TBC1D19: variants seen among roughly 807,000 people sequenced by gnomAD.
The protein encoded by TBC1D19 is TBC1 domain family, member 19.
Under a neutral mutation model 89.0 loss-of-function variants are expected in TBC1D19, and 60 were observed. The observed-to-expected ratio is 0.67, with a 90% CI of 0.55 to 0.84. TBC1D19 has a LOEUF of 0.84. Ranked by LOEUF, TBC1D19 falls within the 40% of genes least tolerant of loss-of-function variation. The pLI is 0.00. For missense variants in TBC1D19, 500 were observed against 610.8 expected (o/e 0.82, Z 1.91); for synonymous variants, 189 against 199.7 (o/e 0.95, Z 0.45).
At chr4:26,827,434 G>T in the TBC1D19 span, among the ~76,000 whole-genome samples, 16 of 152,046 alleles carry the variant, frequency 1.1e-4, no homozygotes, top group Admixed American at 1.0e-3. Context: ...GAGAAACCTC[G>T]TCTCTACTAA....
At chr4:26,660,028 T>C (rs1240188493) in intron 8 of TBC1D19, among the ~76,000 whole-genome samples, 1 of 152,200 alleles carries the variant, frequency 6.6e-6, no homozygotes, top group Non-Finnish European at 1.5e-5. Context: ...TTGTGAGTTT[T>C]ATAAGATTAT....
intron 13 of TBC1D19, among the ~76,000 whole-genome samples, chr4:26,704,718 C>A (rs1162196300): frequency 1.3e-5 from 2 of 151,946 alleles, no homozygotes; most frequent in Non-Finnish European, 1.5e-5. Flanking sequence ...TATATAAATT[C>A]TATGCAAATA....
At chr4:26,580,990 A>T (rs1264117786), upstream of TBC1D19, among the ~76,000 whole-genome samples, 2 of 152,226 alleles carry the variant, frequency 1.3e-5, no homozygotes, top group African/African-American at 2.4e-5. Context: ...AGCCCTATAC[A>T]TGTTGGCCCA....
the TBC1D19 span, among the ~76,000 whole-genome samples, chr4:26,857,102 A>G: frequency 6.6e-6 from 1 of 152,216 alleles, no homozygotes; most frequent in South Asian, 2.1e-4. Context: ...GGGTCTTGCT[A>G]ATGAGTTACT....
At chr4:26,676,745 C>T (rs904885723) in intron 11 of TBC1D19, among the ~76,000 whole-genome samples, 2 of 151,726 alleles carry the variant, frequency 1.3e-5, no homozygotes, top group African/African-American at 2.4e-5. Context: ...AAATGTCTAC[C>T]TCTTATACCT....
intron 12 of TBC1D19, among the ~76,000 whole-genome samples, chr4:26,684,169 A>G (rs1170945584): frequency 6.6e-6 from 1 of 152,216 alleles, no homozygotes; most frequent in South Asian, 2.1e-4. Context: ...GTTTCTAGAC[A>G]TATGGCTAAG....
intron 7 of TBC1D19, among the ~76,000 whole-genome samples, chr4:26,654,430 G>A (rs1338172045): frequency 2.0e-5 from 3 of 152,172 alleles, no homozygotes; most frequent in Non-Finnish European, 1.5e-5. Context: ...TGCCTTGCTA[G>A]ATTGAGGAAG....
chr4:26,820,613 C>T, the TBC1D19 span, among the ~76,000 whole-genome samples: 1 of 152,186 alleles, frequency 6.6e-6, no homozygotes, highest in African/African-American at 2.4e-5. Flanking sequence ...CACTGAGGCT[C>T]TTGTGAATCA....
chr4:26,811,438 G>A, the TBC1D19 span, among the ~76,000 whole-genome samples: 2 of 152,172 alleles, frequency 1.3e-5, no homozygotes, highest in Admixed American at 1.3e-4. Context: ...TGACTTTGAA[G>A]GTCATGAAGG....
chr4:26,665,845 C>T (rs1711762609), intron 8 of TBC1D19, among the ~76,000 whole-genome samples: 1 of 151,926 alleles, frequency 6.6e-6, no homozygotes, highest in African/African-American at 2.4e-5. Flanking sequence ...TCATTCCTTA[C>T]CTTACTGAGT....
chr4:26,731,986 AAGT>A (rs1236987331), intron 15 of TBC1D19, among the ~76,000 whole-genome samples: 8 of 152,254 alleles, frequency 5.3e-5, no homozygotes, highest in Non-Finnish European at 8.8e-5. Context: ...TTTGATGGGA[AAGT>A]AGGGTCCGGG....
chr4:26,618,071 A>G (rs1250838837), intron 3 of TBC1D19, among the ~76,000 whole-genome samples: 2 of 152,152 alleles, frequency 1.3e-5, no homozygotes, highest in South Asian at 2.1e-4. Flanking sequence ...CGTCCTAAAC[A>G]TACAGTTCTT....
chr4:26,777,770 G>C, the TBC1D19 span, among the ~76,000 whole-genome samples: 6 of 152,108 alleles, frequency 3.9e-5, no homozygotes, highest in Non-Finnish European at 7.4e-5. Flanking sequence ...TTTTTAAATT[G>C]AGGACACTGA....
the TBC1D19 span, among the ~76,000 whole-genome samples, chr4:26,782,599 A>C: frequency 2.6e-5 from 4 of 152,222 alleles, no homozygotes; most frequent in Non-Finnish European, 5.9e-5. Context: ...TGAGAGACAA[A>C]GCTTAAACCA....
intron 7 of TBC1D19, among the ~76,000 whole-genome samples, chr4:26,651,974 G>A (rs1250201040): frequency 6.6e-6 from 1 of 152,114 alleles, no homozygotes; most frequent in African/African-American, 2.4e-5. Context: ...GGATAATCCT[G>A]TGGTTTTTGT....
At chr4:26,819,013 C>A in the TBC1D19 span, among the ~76,000 whole-genome samples, 2 of 152,224 alleles carry the variant, frequency 1.3e-5, no homozygotes, top group South Asian at 4.1e-4. Context: ...CTTCTGGAAA[C>A]AATGGTTGTG....
At chr4:26,749,724 G>C (rs1578017271) in intron 19 of TBC1D19, among the ~76,000 whole-genome samples, 2 of 152,222 alleles carry the variant, frequency 1.3e-5, no homozygotes, top group East Asian at 3.9e-4. Context: ...TGGGATTACA[G>C]GTGTGAGCCT....
chr4:26,728,333 C>T (rs1016695986), intron 15 of TBC1D19, among the ~76,000 whole-genome samples: 1 of 152,274 alleles, frequency 6.6e-6, no homozygotes, highest in East Asian at 1.9e-4. Context: ...TATGTACTTA[C>T]ACTTTTATAA....
Position 26,629,215 on chromosome 4 carries a change from C to A in TBC1D19, c.295-7996C>A, listed in dbSNP as rs534698710. ...TATACTTGAAACTGCCTCCTCTCAT[C>A]CCATATATTTCTGGCTAGCTTCTGC... is the stretch of plus-strand genomic sequence containing the variant. On this transcript the variant is annotated intron_variant, in intron 4 of 20. Transcript: ENST00000264866. 1.8e-4 allele frequency among the ~76,000 whole-genome samples: 27 copies of A among 152,148 alleles called. No individual in the cohort carries two copies. The South Asian group carries it at 5.6e-3, about 32-fold the overall frequency.
Sources: gnomAD v4.1 joint callset for allele counts (sites outside exome capture counted in the v4.1 genomes callset) on GRCh38, gnomAD v4.1.1 for gene constraint, MANE v1.5 for transcripts, NCBI Gene and HGNC (gene_info 2026-07-23, HGNC 2026-07-21) for gene names.